LRP5: variants seen among roughly 807,000 people sequenced by gnomAD.
LRP5 encodes the protein LDL receptor related protein 5.
LRP5 carries 62 observed loss-of-function variants against 154.1 expected under a neutral mutation model. That is an observed-to-expected ratio of 0.40 (90% CI 0.33 to 0.50). The LOEUF is 0.50. Ranked by LOEUF, LRP5 falls within the 20% of genes least tolerant of loss-of-function variation. The pLI is 0.55. For missense variants in LRP5, 1,915 were observed against 2,336.7 expected (o/e 0.82, Z 3.72); for synonymous variants, 966 against 1,011.5 (o/e 0.96, Z 0.85).
At chr11:68,335,519 A>G (rs1296918175) in intron 1 of LRP5, among the ~76,000 whole-genome samples, 1 of 152,056 alleles carries the variant, frequency 6.6e-6, no homozygotes, top group African/African-American at 2.4e-5. Context: ...CCAAGGTCAC[A>G]CCACTGGACT....
chr11:68,446,519 T>A lies in LRP5; in HGVS notation c.4572T>A (p.Thr1524=), dbSNP rs1354998167. The A allele has an allele frequency of 6.2e-7, 1 of 1,614,020 alleles. No homozygotes were observed. The highest frequency in any genetic ancestry group is 1.1e-5 in the South Asian group (1 of 91,086). Residue 1524 remains threonine, a synonymous_variant, in exon 22 of 23, where the codon ACT becomes ACA. Transcript: ENST00000294304. ...TCTACTCTTCAAACATTCCGGCCACTGCGAGACCGTACAGGTAGGACATCC... is the reference window on the plus strand; with the variant it reads ...TCTACTCTTCAAACATTCCGGCCACAGCGAGACCGTACAGGTAGGACATCC... ...DMFYSSNIPA[T]ARPYRPYIIR...
rs1384195200 is a variant in LRP5 at position 68,438,641 on chromosome 11, A to G, written c.4307A>G (p.Asn1436Ser). The G allele has an allele frequency of 3.1e-6, 5 of 1,613,556 alleles. No homozygotes were observed. In the East Asian group the frequency reaches 6.7e-5, roughly 22 times the overall value. The change falls in exon 20 of 23, where the codon AAT becomes AGT. Residue 1436 changes from asparagine to serine, a missense_variant. Physicochemically the swap from Asn to Ser is conservative, Grantham distance 46 (BLOSUM62 1). Coordinates refer to ENST00000294304, the MANE Select transcript of LRP5 (RefSeq NM_002335.4). ...YVSGTPHVPLNFIAPGGSQHG... is the reference protein window; with the variant it reads ...YVSGTPHVPLSFIAPGGSQHG... The stretch of plus-strand genomic sequence containing the variant: ...AGCGGGACCCCGCACGTGCCCCTCA[A>G]TTTCATAGCCCCGGGCGGTTCCCAG...
chr11:68,423,605 C>T lies in LRP5; in HGVS notation c.3144C>T (p.Ile1048=), dbSNP rs1306129759. The change falls in exon 14 of 23, where the codon ATC becomes ATT. Residue 1048 remains isoleucine (I), a synonymous_variant. Coordinates refer to ENST00000294304, the MANE Select transcript of LRP5 (RefSeq NM_002335.4). This position sits in a 1 kb window ranked among gnomAD's most constrained non-coding sequence, Gnocchi z 4.7. Reference sequence around the variant, plus strand: ...GGACGTGCGAGGCCACCAATACCATCAACGTCCACAGGCTGAGCGGGGAAG... The same window carrying T: ...GGACGTGCGAGGCCACCAATACCATTAACGTCCACAGGCTGAGCGGGGAAG... ...LFWTCEATNT[I]NVHRLSGEAM... 4.3e-6 allele frequency: 7 copies of T among 1,614,122 alleles called. No individual in the cohort carries two copies. The highest frequency in any genetic ancestry group is 5.9e-6 in the Non-Finnish European group (7 of 1,180,036).
Position 68,350,929 on chromosome 11 carries a change from C to T in LRP5, c.488+2686C>T, listed in dbSNP as rs117696363. Among the ~76,000 whole-genome samples the T allele has an allele frequency of 4.0e-4, 61 of 152,108 alleles. 1 individual carries two copies. The East Asian group carries it at 0.011, about 28-fold the overall frequency. On this transcript the variant is annotated intron_variant, in intron 2 of 22. Transcript: ENST00000294304. ...GTGTGCGTGTGCACGCATATGCGTG[C>T]ATACGTGTGAGCCTGTGTGTGTCCG...
chr11:68,391,756 G>C (rs538940544), intron 7 of LRP5, among the ~76,000 whole-genome samples: 5 of 152,354 alleles, frequency 3.3e-5, no homozygotes, highest in Admixed American at 2.6e-4. Flanking sequence ...TTGCCTTCAC[G>C]CATCCCCGCT....
chr11:68,426,225 T>G, intron 16 of LRP5, 38 bp downstream of exon 16: 2 of 1,575,408 alleles, frequency 1.3e-6, no homozygotes, highest in Non-Finnish European at 1.7e-6. Context: ...CAGGGTGGCC[T>G]CTAAACCCGA....
At position 68,386,301 on chromosome 11, in the gene LRP5, C is replaced by T; in HGVS notation, c.1016-15C>T. On this transcript the variant is annotated splice_polypyrimidine_tract_variant and intron_variant, in intron 5 of 22. Coordinates refer to ENST00000294304, the MANE Select transcript of LRP5 (RefSeq NM_002335.4). The surrounding 1 kb of genome is among the most constrained non-coding windows in gnomAD (Gnocchi z 7.9). The stretch of plus-strand genomic sequence containing the variant: ...AGGCCCTTGACCCCTGACCCCATTG[C>T]ACCTGTCTCCACAGGAGCCGAGGAG... 6.2e-7 allele frequency: 1 copy of T among 1,610,114 alleles called. No homozygotes were observed. Among genetic ancestry groups the T allele is most frequent in the Non-Finnish European group, 8.5e-7 (1 of 1,179,982 alleles).
Position 68,386,832 on chromosome 11 carries a change from T to C in LRP5, c.1412+120T>C. On this transcript the variant is annotated intron_variant, in intron 6 of 22. Transcript: ENST00000294304. This position sits in a 1 kb window ranked among gnomAD's most constrained non-coding sequence, Gnocchi z 7.9. Reference sequence around the variant, plus strand: ...TTGCATCAGAACCCGGAGGAGGGCTTGTTAAAACACCGGCAGCTGGGCCCC... The same window carrying C: ...TTGCATCAGAACCCGGAGGAGGGCTCGTTAAAACACCGGCAGCTGGGCCCC... 1 of 1,205,420 alleles carries C rather than the reference T, an allele frequency of 8.3e-7. No homozygotes were observed. 74.7% of individuals were successfully genotyped at this position (1,205,420 alleles called of 1,614,324 possible).
At chr11:68,425,445 A>C (rs2153174115) in intron 15 of LRP5, among the ~76,000 whole-genome samples, 153 bp downstream of exon 15, 1 of 152,340 alleles carries the variant, frequency 6.6e-6, no homozygotes, top group South Asian at 2.1e-4. Flanking sequence ...TGACAGCTGT[A>C]GGCTGGGGTT....
At position 68,426,119 on chromosome 11, in the gene LRP5, G is replaced by A. The variant is rs372205313; in HGVS notation, c.3569G>A (p.Arg1190His). ...VEKTTGDKRT[R>H]IQGRVAHLTG... The stretch of plus-strand genomic sequence containing the variant: ...AAGACCACCGGGGACAAGCGGACTC[G>A]CATCCAGGGCCGTGTCGCCCACCTC... The change falls in exon 16 of 23, where the codon CGC (arginine) becomes CAC (histidine). Residue 1190 changes from arginine (R) to histidine (H), a missense_variant. Physicochemically the swap from Arg to His is conservative, Grantham distance 29. Transcript: ENST00000294304. 7 of 1,613,094 alleles carry A rather than the reference G, an allele frequency of 4.3e-6. No individual in the cohort carries two copies. Among genetic ancestry groups the A allele is most frequent in the East Asian group, 4.5e-5 (2 of 44,890 alleles).
chr11:68,417,472 T>TTC (rs1213012672), intron 13 of LRP5, among the ~76,000 whole-genome samples: 1 of 136,124 alleles, frequency 7.3e-6, no homozygotes, highest in African/African-American at 2.8e-5. Flanking sequence ...TTTTTTTTTT[T>TTC]TTTTTTTGAG....
rs541459857 is a variant in LRP5, at chr11:68,394,559, G to A, written c.1584+4507G>A. On this transcript the variant is annotated intron_variant, in intron 7 of 22. Transcript: ENST00000294304. ...CGGCTCACTGCAAGCTCTGCCTCCC[G>A]GGTTCATGCCATTCTCCTGCCTCAG... is the stretch of plus-strand genomic sequence containing the variant. Among the ~76,000 whole-genome samples the A allele has an allele frequency of 9.2e-5, 14 of 151,656 alleles. No homozygotes were observed. The East Asian group carries it at 9.7e-4, about 11-fold the overall frequency.
chr11:68,396,571 G>A (rs2098649483), intron 7 of LRP5, among the ~76,000 whole-genome samples: 1 of 152,196 alleles, frequency 6.6e-6, no homozygotes, highest in African/African-American at 2.4e-5. Flanking sequence ...TATGAAATGA[G>A]GTTTCATGTA....
upstream of LRP5, among the ~76,000 whole-genome samples, chr11:68,311,667 C>T (rs2098587958): frequency 6.6e-6 from 1 of 152,284 alleles, no homozygotes; most frequent in South Asian, 2.1e-4. Flanking sequence ...GGAACACACA[C>T]GTTCACGGGC....
Position 68,386,793 on chromosome 11 carries a change from T to C in LRP5, c.1412+81T>C. On this transcript the variant is annotated intron_variant, in intron 6 of 22. Coordinates refer to ENST00000294304, the MANE Select transcript of LRP5 (RefSeq NM_002335.4). This position sits in a 1 kb window ranked among gnomAD's most constrained non-coding sequence, Gnocchi z 7.9. ...AGGGAGATTGACCTGGACCTGTCAT[T>C]CTGGGACACTGTCTTGCATCAGAAC... The C allele has an allele frequency of 6.8e-7, 1 of 1,461,424 alleles. No homozygotes were observed. 90.5% of individuals were successfully genotyped at this position (1,461,424 alleles called of 1,614,324 possible). A position where few individuals can be genotyped will look rare whatever the true frequency, so the allele number is the denominator to read the frequency against.
At chr11:68,358,365 C>T (rs1307353780) in intron 3 of LRP5, among the ~76,000 whole-genome samples, 7 of 152,172 alleles carry the variant, frequency 4.6e-5, no homozygotes, top group Non-Finnish European at 4.4e-5. Context: ...TCCTTCCCCT[C>T]GGCTCCCAGA....
chr11:68,369,481 T>C (rs1036356044), intron 5 of LRP5, among the ~76,000 whole-genome samples: 1 of 151,986 alleles, frequency 6.6e-6, no homozygotes, highest in African/African-American at 2.4e-5. Flanking sequence ...GAGTGGGGAA[T>C]GGACACAGCC....
intron 21 of LRP5, among the ~76,000 whole-genome samples, chr11:68,445,396 ACTGAGG>A (rs1317703649): frequency 6.6e-6 from 1 of 152,164 alleles, no homozygotes; most frequent in African/African-American, 2.4e-5. Flanking sequence ...AGTTGAAGAA[ACTGAGG>A]CTGAGGTAAA....
chr11:68,399,393 A>G (rs973630082), intron 7 of LRP5, among the ~76,000 whole-genome samples: 6 of 151,858 alleles, frequency 4.0e-5, no homozygotes, highest in Non-Finnish European at 7.4e-5. Context: ...AAACCAAAAA[A>G]CATGTATTGG....
Sources: allele counts gnomAD v4.1 joint callset (sites outside exome capture counted in the v4.1 genomes callset), GRCh38; gene constraint gnomAD v4.1.1; non-coding constraint Gnocchi (gnomAD v3.1); transcripts MANE v1.5; gene names NCBI Gene and HGNC (gene_info 2026-07-23, HGNC 2026-07-21).